PACRGL: variants seen among roughly 807,000 people sequenced by gnomAD.
PACRGL encodes PACRG-like protein.
PACRGL carries 38 observed loss-of-function variants against 34.5 expected under a neutral mutation model. The observed-to-expected ratio is 1.10, with a 90% CI of 0.85 to 1.44. The LOEUF (loss-of-function observed/expected upper bound fraction) is 1.44. PACRGL is among the 40% of genes most tolerant of loss of function. The pLI, the probability that PACRGL is intolerant of heterozygous loss-of-function variation, is 0.00. For missense variants in PACRGL, 305 were observed against 281.4 expected (o/e 1.08, Z -0.60); for synonymous variants, 128 against 100.1 (o/e 1.28, Z -1.66).
At chr4:20,722,192 G>A (rs889191701) in intron 7 of PACRGL, among the ~76,000 whole-genome samples, 2 of 152,204 alleles carry the variant, frequency 1.3e-5, no homozygotes, top group African/African-American at 2.4e-5. Flanking sequence ...TATTAAGTTG[G>A]GAGTGACTCG....
intron 7 of PACRGL, among the ~76,000 whole-genome samples, chr4:20,723,837 C>G (rs952525436): frequency 1.3e-5 from 2 of 152,030 alleles, no homozygotes; most frequent in Admixed American, 6.6e-5. Context: ...ATAAAGAGTT[C>G]TAGAAATAGG....
At position 20,704,800 on chromosome 4, in the gene PACRGL, A is replaced by G. The variant is rs758581406; in HGVS notation, c.193A>G (p.Lys65Glu). 1.2e-6 allele frequency: 2 copies of G among 1,614,028 alleles called. No individual in the cohort carries two copies. Among genetic ancestry groups the G allele is most frequent in the Admixed American group, 3.3e-5 (2 of 60,014 alleles). ...HPRPSDKLNP[K>E]TINPFGEQSR... The stretch of plus-strand genomic sequence containing the variant: ...TAGACCAAGTGATAAACTGAACCCT[A>G]AAACAATTAATCCGGTAGGTCCAAA... The change falls in exon 3 of 9, where the codon AAA becomes GAA. Residue 65 changes from lysine (K) to glutamate (E), a missense_variant. Lys to Glu is a moderately conservative substitution (Grantham distance 56). Transcript: ENST00000503585.
At chr4:20,701,232 T>G (rs930758287) in intron 1 of PACRGL, among the ~76,000 whole-genome samples, 3 of 152,178 alleles carry the variant, frequency 2.0e-5, no homozygotes, top group African/African-American at 7.2e-5. Context: ...AGAAATAGGC[T>G]ATATCAGCTG....
At chr4:20,760,472 C>T in the PACRGL span, among the ~76,000 whole-genome samples, 14 of 152,290 alleles carry the variant, frequency 9.2e-5, no homozygotes, top group Admixed American at 6.5e-4. Flanking sequence ...AGTTACTCAA[C>T]TGTAATGTGC....
At chr4:20,725,755 G>A (rs1745375357) in intron 8 of PACRGL, among the ~76,000 whole-genome samples, 1 of 151,880 alleles carries the variant, frequency 6.6e-6, no homozygotes, top group South Asian at 2.1e-4. Context: ...TCAATGAGTT[G>A]TTTGATTGAT....
Position 20,712,772 on chromosome 4 carries a change from T to C in PACRGL, c.367-16T>C, listed in dbSNP as rs1246693818. 4 of 1,462,820 alleles carry C rather than the reference T, an allele frequency of 2.7e-6. No individual in the cohort carries two copies. The South Asian group carries it at 6.1e-5, about 22-fold the overall frequency. The allele number at this position is 1,462,820 out of a possible 1,614,324, so 90.6% of individuals were successfully genotyped here. A position where few individuals can be genotyped will look rare whatever the true frequency, so the allele number is the denominator to read the frequency against. ...GAAATGGGTAGTAAATCATGTTTCCTCTTGGTCTTTGTCAGGGTCTGAGAG... is the reference window on the plus strand; with the variant it reads ...GAAATGGGTAGTAAATCATGTTTCCCCTTGGTCTTTGTCAGGGTCTGAGAG... On this transcript the variant is annotated splice_polypyrimidine_tract_variant and intron_variant, in intron 5 of 8. Coordinates refer to ENST00000503585, the MANE Select transcript of PACRGL (RefSeq NM_001258345.3).
downstream of PACRGL, among the ~76,000 whole-genome samples, chr4:20,736,233 T>G (rs558043476): frequency 5.9e-5 from 9 of 152,320 alleles, no homozygotes; most frequent in East Asian, 1.4e-3. Context: ...CTAACAGACT[T>G]CTATACTTTT....
intron 8 of PACRGL, among the ~76,000 whole-genome samples, chr4:20,750,566 C>G (rs1753429937): frequency 6.6e-6 from 1 of 152,140 alleles, no homozygotes; most frequent in Non-Finnish European, 1.5e-5. Flanking sequence ...CTTCCCCTCT[C>G]ATTTTTCCTT....
At chr4:20,741,495 G>A (rs1751095843) in intron 8 of PACRGL, among the ~76,000 whole-genome samples, 2 of 152,172 alleles carry the variant, frequency 1.3e-5, no homozygotes, top group East Asian at 3.8e-4. Flanking sequence ...AATGAAGGCA[G>A]AAATAAAGAT....
At chr4:20,737,638 C>T (rs1218591051) in intron 8 of PACRGL, among the ~76,000 whole-genome samples, 4 of 152,068 alleles carry the variant, frequency 2.6e-5, no homozygotes, top group African/African-American at 9.7e-5. Flanking sequence ...AGTGAGGAGC[C>T]TGGTAGAAGA....
chr4:20,743,267 T>C (rs1224115002), intron 8 of PACRGL, among the ~76,000 whole-genome samples: 4 of 152,142 alleles, frequency 2.6e-5, no homozygotes, highest in Non-Finnish European at 5.9e-5. Flanking sequence ...TGGAAAAAAC[T>C]ACTTTAAAGT....
intron 7 of PACRGL, among the ~76,000 whole-genome samples, chr4:20,720,614 G>A (rs1742594250): frequency 2.0e-5 from 3 of 152,098 alleles, no homozygotes; most frequent in Admixed American, 2.0e-4. Context: ...TGAAATTTTG[G>A]GTTGAAAATT....
At chr4:20,732,901 A>G (rs1748682721), downstream of PACRGL, 5 of 639,222 alleles carry the variant, frequency 7.8e-6, no homozygotes, top group Non-Finnish European at 1.3e-5. Flanking sequence ...TGTTTGTTGG[A>G]TTCTTTGTTA....
In PACRGL at chr4:20,716,327, T is replaced by C. The variant is rs545368512; in HGVS notation, c.609+2788T>C. ...TTTCTTCTCCTAGTGAAGTTATTCA[T>C]GCAGTGTTTTTTTTTTGTTTGTTTG... On this transcript the variant is annotated intron_variant, in intron 7 of 8. Transcript: ENST00000503585. The C allele has an allele frequency of 5.2e-6, 3 of 577,894 alleles. No individual in the cohort carries two copies. The East Asian group carries it at 8.8e-5, about 17-fold the overall frequency. 35.8% of individuals were successfully genotyped at this position (577,894 alleles called of 1,614,324 possible).
At chr4:20,715,074 C>G (rs557918582) in intron 7 of PACRGL, among the ~76,000 whole-genome samples, 1 of 152,314 alleles carries the variant, frequency 6.6e-6, no homozygotes, top group African/African-American at 2.4e-5. Flanking sequence ...TACATACACA[C>G]CATGGAATAC....
At position 20,730,138 on chromosome 4, in the gene PACRGL, G is replaced by T; in HGVS notation, c.*2797G>T. The T allele has an allele frequency of 6.2e-7, 1 of 1,601,880 alleles. No homozygotes were observed. The highest frequency in any genetic ancestry group is 1.3e-5 in the African/African-American group (1 of 74,536). ...CGCATTATGTTTTCATCCTGTAAGG[G>T]AGAAACACAGAGCGATTAAATTCAG... On this transcript the variant is annotated 3_prime_UTR_variant, in exon 9 of 9. Transcript: ENST00000503585.
At chr4:20,725,653 A>G (rs1265795559) in intron 8 of PACRGL, among the ~76,000 whole-genome samples, 2 of 152,100 alleles carry the variant, frequency 1.3e-5, no homozygotes, top group Non-Finnish European at 2.9e-5. Context: ...AGGTACTTCT[A>G]AAGGAATTAG....
chr4:20,745,624 G>T (rs1752258074), intron 8 of PACRGL, among the ~76,000 whole-genome samples: 1 of 152,164 alleles, frequency 6.6e-6, no homozygotes, highest in Non-Finnish European at 1.5e-5. Flanking sequence ...TGATAAAGGG[G>T]TGGAGAGGTC....
rs1399092149 is a variant in PACRGL, at chr4:20,713,777, G to A, written c.609+238G>A. On this transcript the variant is annotated intron_variant, in intron 7 of 8. Coordinates refer to ENST00000503585, the MANE Select transcript of PACRGL (RefSeq NM_001258345.3). ...GTACCCAGTAGTCATTCAGGAACAG[G>A]TTGTTCAGTTTCCATGTAGCTGAGC... is the stretch of plus-strand genomic sequence containing the variant. Among the ~76,000 whole-genome samples the A allele has an allele frequency of 2.0e-5, 3 of 152,264 alleles. No individual in the cohort carries two copies. In the East Asian group the frequency reaches 5.8e-4, roughly 29 times the overall value.
Sources: gnomAD v4.1 joint callset for allele counts (sites outside exome capture counted in the v4.1 genomes callset) on GRCh38, gnomAD v4.1.1 for gene constraint, MANE v1.5 for transcripts, NCBI Gene and HGNC (gene_info 2026-07-23, HGNC 2026-07-21) for gene names.